The following KCNQ1 variants were observed in gnomAD, a reference collection of about 807,000 sequenced individuals.
The protein encoded by KCNQ1 is potassium voltage-gated channel subfamily Q member 1.
A neutral mutation model predicts 72.4 loss-of-function variants in KCNQ1; 49 were observed. The observed-to-expected ratio is 0.68, with a 90% CI of 0.54 to 0.86. KCNQ1 has a LOEUF of 0.86. Among genes scored for constraint, KCNQ1 ranks in the 40% least tolerant of loss-of-function variants. KCNQ1 has a pLI of 0.00. For missense variants in KCNQ1, 790 were observed against 945.1 expected, an observed-to-expected ratio of 0.84 and a Z score of 2.15; for synonymous variants, 450 against 412.6, an observed-to-expected ratio of 1.09 and a Z score of -1.10.
At chr11:2,796,920 G>A (rs1172295060) in intron 15 of KCNQ1, among the ~76,000 whole-genome samples, 1 of 152,238 alleles carries the variant, frequency 6.6e-6, no homozygotes, top group East Asian at 1.9e-4. Flanking sequence ...GACCGTAAAT[G>A]GTTTCTGTGT....
At chr11:2,454,842 C>T (rs925565304) in intron 1 of KCNQ1, among the ~76,000 whole-genome samples, 3 of 152,064 alleles carry the variant, frequency 2.0e-5, no homozygotes, top group Non-Finnish European at 4.4e-5. Flanking sequence ...GACACATTCC[C>T]CTTAAGAATA....
intron 15 of KCNQ1, among the ~76,000 whole-genome samples, chr11:2,814,187 G>GGGGTAGATGGAGAGATGCATGAAT (rs566205275): frequency 2.1e-4 from 32 of 148,988 alleles, no homozygotes; most frequent in African/African-American, 7.9e-4. Context: ...GTTGAGTGGG[G>GGGGTAGATGGAGAGATGCATGAAT]GGGTAGATGG....
chr11:2,681,776 G>A (rs951873919), intron 11 of KCNQ1: 1 of 398,524 alleles, frequency 2.5e-6, no homozygotes, highest in Admixed American at 4.4e-5. Flanking sequence ...TGGGACCTGG[G>A]AGGACCAGAA....
At chr11:2,771,790 G>T (rs1846603965) in intron 12 of KCNQ1, among the ~76,000 whole-genome samples, 1 of 152,190 alleles carries the variant, frequency 6.6e-6, no homozygotes. Flanking sequence ...CTGTCGCTGA[G>T]CCACAGGTGA....
Position 2,541,874 on chromosome 11 carries a change from A to T in KCNQ1, c.477+13856A>T, listed in dbSNP as rs1589940021. On this transcript the variant is annotated intron_variant, in intron 2 of 15. Transcript: ENST00000155840. This position sits in a 1 kb window ranked among gnomAD's most constrained non-coding sequence, Gnocchi z 4.8. The stretch of plus-strand genomic sequence containing the variant: ...CCCAGGTCCTGTGGCTGGTCCTCGC[A>T]TAGACATCAGCTAAGGGGGTTTGGG... 6.6e-6 allele frequency among the ~76,000 whole-genome samples: 1 copy of T among 152,110 alleles called. No individual in the cohort carries two copies. The highest frequency in any genetic ancestry group is 1.5e-5 in the Non-Finnish European group (1 of 68,018).
intron 1 of KCNQ1, among the ~76,000 whole-genome samples, chr11:2,506,293 G>T (rs1847104346): frequency 6.6e-6 from 1 of 152,046 alleles, no homozygotes; most frequent in South Asian, 2.1e-4. Context: ...ACCATCATTT[G>T]TCGAAAAGAC....
At chr11:2,794,998 C>T (rs1393123521) in intron 15 of KCNQ1, among the ~76,000 whole-genome samples, 2 of 152,208 alleles carry the variant, frequency 1.3e-5, no homozygotes, top group African/African-American at 2.4e-5. Flanking sequence ...AAGCAGGCAG[C>T]ACAGTCAAGA....
chr11:2,824,968 G>A lies in KCNQ1; in HGVS notation c.1795-22799G>A, dbSNP rs1382911702. Among the ~76,000 whole-genome samples, 1 of 152,228 alleles carries A rather than the reference G, an allele frequency of 6.6e-6. No homozygotes were observed. The highest frequency in any genetic ancestry group is 1.5e-5 in the Non-Finnish European group (1 of 68,036). ...CAAGGACAGGGGCGTTTGGACAGGGGAGGCCGGGTGTGGATGGAAGCTGTA... is the reference window on the plus strand; with the variant it reads ...CAAGGACAGGGGCGTTTGGACAGGGAAGGCCGGGTGTGGATGGAAGCTGTA... On this transcript the variant is annotated intron_variant, in intron 15 of 15. Transcript: ENST00000155840. The surrounding 1 kb of genome is among the most constrained non-coding windows in gnomAD (Gnocchi z 5.9).
chr11:2,455,357 C>T (rs1009558408), intron 1 of KCNQ1, among the ~76,000 whole-genome samples: 1 of 152,220 alleles, frequency 6.6e-6, no homozygotes, highest in East Asian at 1.9e-4. Flanking sequence ...CTTGGCCTCC[C>T]AAAGTGCTGG....
intron 15 of KCNQ1, among the ~76,000 whole-genome samples, chr11:2,832,436 G>A (rs1282882326): frequency 1.3e-5 from 2 of 152,190 alleles, no homozygotes; most frequent in Non-Finnish European, 2.9e-5. Context: ...GTCATGGGGA[G>A]CAAGAGGAAC....
intron 10 of KCNQ1, chr11:2,628,774 A>C (rs77507212): frequency 0.013 from 5,107 of 398,308 alleles, 155 homozygotes; most frequent in East Asian, 0.079. Flanking sequence ...ATATGTTTAA[A>C]TCTTATTCAC....
intron 1 of KCNQ1, among the ~76,000 whole-genome samples, chr11:2,466,115 G>A (rs1846348114): frequency 6.6e-6 from 1 of 152,344 alleles, no homozygotes; most frequent in South Asian, 2.1e-4. Flanking sequence ...ACGTTTTTGA[G>A]TTTTCCTGAG....
intron 10 of KCNQ1, chr11:2,631,069 T>A (rs188646242): frequency 3.6e-4 from 145 of 398,572 alleles, no homozygotes; most frequent in African/African-American, 2.9e-3. Flanking sequence ...CTCTTTTAGA[T>A]GGAAACTAAT....
In KCNQ1 at chr11:2,613,434, G is replaced by T. The variant is rs1055145305; in HGVS notation, c.1393+24580G>T. 1.5e-5 allele frequency: 6 copies of T among 398,426 alleles called. No homozygotes were observed. The highest frequency in any genetic ancestry group is 1.2e-4 in the African/African-American group (6 of 48,606). 24.7% of individuals were successfully genotyped at this position (398,426 alleles called of 1,614,324 possible). On this transcript the variant is annotated intron_variant, in intron 10 of 15. Coordinates refer to ENST00000155840, the MANE Select transcript of KCNQ1 (RefSeq NM_000218.3). This position sits in a 1 kb window ranked among gnomAD's most constrained non-coding sequence, Gnocchi z 4.8. ...CTTGTTGCTTAACATAGTGCATAGG[G>T]TTTTCTATGGAATTCAAAATCAGAT... is the stretch of plus-strand genomic sequence containing the variant.
Position 2,475,245 on chromosome 11 carries a change from C to T in KCNQ1, c.386+29761C>T, listed in dbSNP as rs543169640. On this transcript the variant is annotated intron_variant, in intron 1 of 15. Coordinates refer to ENST00000155840, the MANE Select transcript of KCNQ1 (RefSeq NM_000218.3). This position sits in a 1 kb window ranked among gnomAD's most constrained non-coding sequence, Gnocchi z 5.8. ...TGCCTGAAATCATGGCAAACGTGGC[C>T]CTGTGTGTCTGGTTTCCTTCACCGA... Among the ~76,000 whole-genome samples, 2 of 152,114 alleles carry T rather than the reference C, an allele frequency of 1.3e-5. No individual in the cohort carries two copies. The highest frequency in any genetic ancestry group is 4.8e-5 in the African/African-American group (2 of 41,514).
chr11:2,683,479 C>G lies in KCNQ1; in HGVS notation c.1514+21398C>G. On this transcript the variant is annotated intron_variant, in intron 11 of 15. Transcript: ENST00000155840. This position sits in a 1 kb window ranked among gnomAD's most constrained non-coding sequence, Gnocchi z 4.7. ...ATATGATTCCATCAATGACAGTTTT[C>G]CTATTAAAACATAACTTGTTAAAGC... The G allele has an allele frequency of 2.5e-6, 1 of 398,592 alleles. No homozygotes were observed. The highest frequency in any genetic ancestry group is 4.4e-6 in the Non-Finnish European group (1 of 226,056). The allele number at this position is 398,592 out of a possible 1,614,324, so 24.7% of individuals were successfully genotyped here.
chr11:2,587,634 A>G lies in KCNQ1; in HGVS notation c.1193A>G (p.Lys398Arg), dbSNP rs199472777. Residue 398 changes from lysine (K) to arginine (R), a missense_variant, in exon 9 of 16, where the codon AAG becomes AGG. This residue lies in a region of KCNQ1 where 178 missense variants were observed against 177.9 expected (regional missense o/e 1.00). Transcript: ENST00000155840. ...DSSTWKIYIR[K>R]APRSHTLLSP... ...TCCACCTGGAAGATCTACATCCGGAAGGCCCCCCGGAGCCACACTCTGCTG... is the reference window on the plus strand; with the variant it reads ...TCCACCTGGAAGATCTACATCCGGAGGGCCCCCCGGAGCCACACTCTGCTG... 26 of 1,613,952 alleles carry G rather than the reference A, an allele frequency of 1.6e-5. No homozygotes were observed. The highest frequency in any genetic ancestry group is 2.2e-5 in the Non-Finnish European group (26 of 1,180,002).
rs1319033177 is a variant in KCNQ1, at chr11:2,762,800, T to C, written c.1515-6044T>C. 2.0e-5 allele frequency among the ~76,000 whole-genome samples: 3 copies of C among 151,916 alleles called. No homozygotes were observed. Among genetic ancestry groups the C allele is most frequent in the Non-Finnish European group, 4.4e-5 (3 of 67,994 alleles). On this transcript the variant is annotated intron_variant, in intron 11 of 15. Transcript: ENST00000155840. The surrounding 1 kb of genome is among the most constrained non-coding windows in gnomAD (Gnocchi z 4.3). The stretch of plus-strand genomic sequence containing the variant: ...GGAACAGTTTCATCCTGAAACCATC[T>C]CCCCCCACCCCACCCCGTCCACGGA...
chr11:2,532,751 G>A (rs556518405), intron 2 of KCNQ1, among the ~76,000 whole-genome samples: 3 of 152,300 alleles, frequency 2.0e-5, no homozygotes, highest in African/African-American at 7.2e-5. Context: ...GGGCTGTGGG[G>A]ATCAGAGCAC....
Sources: gnomAD v4.1 joint callset for allele counts (sites outside exome capture counted in the v4.1 genomes callset) on GRCh38, gnomAD v4.1.1 for gene constraint, gnomAD v4.1.1 regional missense constraint, Gnocchi (gnomAD v3.1) non-coding constraint, MANE v1.5 for transcripts, NCBI Gene and HGNC (gene_info 2026-07-23, HGNC 2026-07-21) for gene names.